The following GRM7 variants were observed in gnomAD, a reference collection of about 807,000 sequenced individuals.
GRM7 encodes metabotropic glutamate receptor 7.
A neutral mutation model predicts 84.5 loss-of-function variants in GRM7; 35 were observed. That is an observed-to-expected ratio of 0.41 (90% CI 0.32 to 0.55). The LOEUF (loss-of-function observed/expected upper bound fraction) is 0.55. Ranked by LOEUF, GRM7 falls within the 20% of genes least tolerant of loss-of-function variation. The pLI is 0.19. For missense variants in GRM7, 1,003 were observed against 1,194.6 expected, an observed-to-expected ratio of 0.84 and a Z score of 2.36; for synonymous variants, 487 against 455.1, an observed-to-expected ratio of 1.07 and a Z score of -0.89.
At chr3:6,986,474 T>G (rs1238749257) in intron 1 of GRM7, among the ~76,000 whole-genome samples, 1 of 152,246 alleles carries the variant, frequency 6.6e-6, no homozygotes, top group Admixed American at 6.5e-5. Flanking sequence ...AGCATTCATT[T>G]AGTTCCAGTT....
intron 1 of GRM7, among the ~76,000 whole-genome samples, chr3:6,924,249 A>C (rs146168260): frequency 6.6e-6 from 1 of 152,200 alleles, no homozygotes; most frequent in Non-Finnish European, 1.5e-5. Context: ...TATTAGCTAA[A>C]TGGGATACTG....
chr3:7,569,629 C>T (rs992109087), intron 7 of GRM7, among the ~76,000 whole-genome samples: 2 of 152,138 alleles, frequency 1.3e-5, no homozygotes, highest in African/African-American at 2.4e-5. Flanking sequence ...TCTTGCTGCT[C>T]CTCACCCTTT....
intron 4 of GRM7, among the ~76,000 whole-genome samples, chr3:7,321,264 G>A (rs1700770588): frequency 6.6e-6 from 1 of 152,002 alleles, no homozygotes; most frequent in Admixed American, 6.6e-5. Flanking sequence ...TACTAATAAT[G>A]ATACTAGCAA....
intron 7 of GRM7, among the ~76,000 whole-genome samples, chr3:7,548,356 G>A (rs73019813): frequency 1.3e-5 from 2 of 152,280 alleles, no homozygotes; most frequent in South Asian, 2.1e-4. Context: ...TGCCCTGAGT[G>A]GAAGCAGCCT....
rs545160729 is a variant in GRM7, at chr3:6,974,450, A to G, written c.519+112543A>G. ...CTTTTGTTGAGATGTTGTTGAGATT[A>G]TCAAGGGAGTGAGTCTGGGTTGAAA... On this transcript the variant is annotated intron_variant, in intron 1 of 9. Coordinates refer to ENST00000357716, the MANE Select transcript of GRM7 (RefSeq NM_000844.4). Among the ~76,000 whole-genome samples the G allele has an allele frequency of 9.7e-4, 147 of 152,308 alleles. 1 individual carries two copies. Among genetic ancestry groups the G allele is most frequent in the African/African-American group, 3.4e-3 (141 of 41,564 alleles).
intron 8 of GRM7, among the ~76,000 whole-genome samples, chr3:7,671,020 G>C (rs1699898573): frequency 6.6e-6 from 1 of 152,156 alleles, no homozygotes. Context: ...AAACCAGCAG[G>C]AATGGTCAAT....
intron 1 of GRM7, among the ~76,000 whole-genome samples, chr3:6,900,372 T>A (rs1039849759): frequency 6.6e-6 from 1 of 152,134 alleles, no homozygotes; most frequent in African/African-American, 2.4e-5. Flanking sequence ...CAATAAATAA[T>A]CCAACCATCT....
At chr3:7,317,762 C>G (rs1700634441) in intron 4 of GRM7, among the ~76,000 whole-genome samples, 1 of 150,054 alleles carries the variant, frequency 6.7e-6, no homozygotes, top group African/African-American at 2.5e-5. Flanking sequence ...CTCTGATTTT[C>G]TACAAAAAAA....
At chr3:7,245,981 CATTA>C (rs1384327391) in intron 2 of GRM7, among the ~76,000 whole-genome samples, 1 of 151,866 alleles carries the variant, frequency 6.6e-6, no homozygotes, top group Non-Finnish European at 1.5e-5. Context: ...AATTTCAGAA[CATTA>C]ATTAGAGGAA....
At chr3:7,734,985 T>C (rs937727058) in intron 9 of GRM7, among the ~76,000 whole-genome samples, 4 of 152,144 alleles carry the variant, frequency 2.6e-5, no homozygotes, top group Non-Finnish European at 5.9e-5. Flanking sequence ...AGTGATGGGC[T>C]AAGGGCAATT....
chr3:7,460,990 A>G (rs1175958611), intron 6 of GRM7, among the ~76,000 whole-genome samples: 1 of 152,232 alleles, frequency 6.6e-6, no homozygotes, highest in Non-Finnish European at 1.5e-5. Context: ...AAAGAAACCA[A>G]TATTTACTGA....
chr3:6,865,689 T>C (rs1694915144), intron 1 of GRM7, among the ~76,000 whole-genome samples: 1 of 152,200 alleles, frequency 6.6e-6, no homozygotes, highest in Admixed American at 6.5e-5. Context: ...GTTTTCCTTC[T>C]GTTAATTGAA....
At chr3:7,365,645 G>GTATA (rs201115893) in intron 4 of GRM7, among the ~76,000 whole-genome samples, 10,632 of 123,562 alleles carry the variant, frequency 0.086, 484 homozygotes, top group South Asian at 0.11. Context: ...GTGTGCGTGT[G>GTATA]TGTATATATA....
chr3:7,641,644 G>A (rs1171917143), intron 8 of GRM7, among the ~76,000 whole-genome samples: 1 of 152,124 alleles, frequency 6.6e-6, no homozygotes, highest in Non-Finnish European at 1.5e-5. Context: ...GCTCCCAGAT[G>A]ATTCTAATGT....
chr3:7,266,797 T>C (rs1268565811), intron 2 of GRM7, among the ~76,000 whole-genome samples: 2 of 152,212 alleles, frequency 1.3e-5, no homozygotes, highest in East Asian at 3.8e-4. Flanking sequence ...TCACATTTGC[T>C]TTTTAAATTT....
chr3:7,047,989 T>G (rs1696860832), intron 1 of GRM7, among the ~76,000 whole-genome samples: 1 of 152,050 alleles, frequency 6.6e-6, no homozygotes, highest in Non-Finnish European at 1.5e-5. Context: ...ATGTGAAGAT[T>G]TTGATGTTAA....
intron 2 of GRM7, among the ~76,000 whole-genome samples, chr3:7,190,449 T>C (rs1695673167): frequency 6.6e-6 from 1 of 152,146 alleles, no homozygotes; most frequent in Admixed American, 6.6e-5. Flanking sequence ...CTCATGGGCT[T>C]CCTGGGCCTA....
At chr3:7,042,390 G>C (rs993498082) in intron 1 of GRM7, among the ~76,000 whole-genome samples, 7 of 152,148 alleles carry the variant, frequency 4.6e-5, no homozygotes, top group Admixed American at 6.6e-5. Context: ...TGTTTAATGA[G>C]AGAATAGAAA....
chr3:7,119,954 G>A (rs1474138445), intron 1 of GRM7, among the ~76,000 whole-genome samples: 1 of 152,006 alleles, frequency 6.6e-6, no homozygotes, highest in Non-Finnish European at 1.5e-5. Flanking sequence ...GCTTTTCCTT[G>A]TAAGGTTTTC....
Sources: gnomAD v4.1 joint callset for allele counts (sites outside exome capture counted in the v4.1 genomes callset) on GRCh38, gnomAD v4.1.1 for gene constraint, MANE v1.5 for transcripts, NCBI Gene and HGNC (gene_info 2026-07-23, HGNC 2026-07-21) for gene names.